Variants in CDH19 observed in about 807,000 individuals in gnomAD.
CDH19 encodes the protein cadherin 19.
A neutral mutation model predicts 64.2 loss-of-function variants in CDH19; 67 were observed. That is an observed-to-expected ratio of 1.04 (90% confidence interval 0.86 to 1.28). The LOEUF (loss-of-function observed/expected upper bound fraction) is 1.28. Ranked by LOEUF, CDH19 falls within the 50% of genes most tolerant of loss-of-function variation. The pLI is 0.00. For synonymous variants in CDH19, 346 were observed against 319.3 expected (o/e 1.08, Z -0.89); for missense variants, 1,030 against 929.0 (o/e 1.11, Z -1.41).
intron 9 of CDH19, among the ~76,000 whole-genome samples, chr18:66,528,591 A>G (rs1364875790): frequency 6.6e-6 from 1 of 152,106 alleles, no homozygotes; most frequent in African/African-American, 2.4e-5. Flanking sequence ...GCAAGATTTG[A>G]TCATTATTTC....
rs1206217106 is a variant in CDH19 at position 66,544,866 on chromosome 18, A to G, written c.813T>C (p.Thr271=). 1 of 1,611,808 alleles carries G rather than the reference A, an allele frequency of 6.2e-7. No individual in the cohort carries two copies. The highest frequency in any genetic ancestry group is 1.7e-5 in the Admixed American group (1 of 59,734). The change falls in exon 6 of 12, where the codon ACT becomes ACC. Residue 271 remains threonine, a synonymous_variant. Coordinates refer to ENST00000262150, the MANE Select transcript of CDH19 (RefSeq NM_021153.4). ...YRLTVSESAP[T]GTSIGTIMAY... is the part of the protein sequence containing the mutation. Reference sequence around the variant, plus strand: ...CCATGATTGTTCCTATAGAAGTCCCAGTGGGTGCAGATTCAGAGACAGTCA... The same window carrying G: ...CCATGATTGTTCCTATAGAAGTCCCGGTGGGTGCAGATTCAGAGACAGTCA...
chr18:66,555,228 A>G (rs1297759935), intron 3 of CDH19, among the ~76,000 whole-genome samples: 2 of 151,856 alleles, frequency 1.3e-5, no homozygotes, highest in African/African-American at 4.8e-5. Flanking sequence ...TTTTCAAAGT[A>G]TCTTTCTGTA....
At chr18:66,568,336 T>C in intron 3 of CDH19, 80 bp downstream of exon 3, 1 of 1,095,444 alleles carries the variant, frequency 9.1e-7, no homozygotes, top group Non-Finnish European at 1.3e-6. Flanking sequence ...CCTTAAATCA[T>C]CTACTTCCAA....
intron 10 of CDH19, among the ~76,000 whole-genome samples, chr18:66,510,990 C>A (rs1031593289): frequency 6.6e-6 from 1 of 151,644 alleles, no homozygotes; most frequent in African/African-American, 2.4e-5. Flanking sequence ...GAAAAAGAAG[C>A]AGCGTGGCTT....
intron 1 of CDH19, among the ~76,000 whole-genome samples, chr18:66,600,285 A>T (rs1477300136): frequency 6.6e-6 from 1 of 151,840 alleles, no homozygotes; most frequent in African/African-American, 2.4e-5. Flanking sequence ...ATATAAAATA[A>T]TTCCTTACTT....
At chr18:66,529,721 A>G (rs1307248842) in intron 9 of CDH19, 124 bp downstream of exon 9, 2 of 251,820 alleles carry the variant, frequency 7.9e-6, no homozygotes, top group Admixed American at 1.1e-4. Context: ...TATAAATTAT[A>G]ATATATGAAT....
At chr18:66,551,646 A>G (rs981294856) in intron 4 of CDH19, among the ~76,000 whole-genome samples, 8 of 152,056 alleles carry the variant, frequency 5.3e-5, no homozygotes, top group Admixed American at 1.3e-4. Flanking sequence ...GTAAATTATA[A>G]TACCAAATTT....
chr18:66,519,164 A>C (rs1029528231), intron 9 of CDH19, among the ~76,000 whole-genome samples: 2 of 152,196 alleles, frequency 1.3e-5, no homozygotes, highest in Non-Finnish European at 2.9e-5. Context: ...GACATTGACA[A>C]TGTTGTTTGT....
At chr18:66,519,075 G>A (rs1250624511) in intron 9 of CDH19, among the ~76,000 whole-genome samples, 1 of 152,064 alleles carries the variant, frequency 6.6e-6, no homozygotes, top group African/African-American at 2.4e-5. Flanking sequence ...CTTAACTTTT[G>A]TTTTTTACTT....
intron 9 of CDH19, among the ~76,000 whole-genome samples, chr18:66,526,743 T>C (rs1307028696): frequency 3.9e-5 from 6 of 152,140 alleles, no homozygotes; most frequent in East Asian, 1.9e-4. Flanking sequence ...CACATATATA[T>C]TTAAAAGACA....
chr18:66,542,675 A>G (rs1986935078), intron 7 of CDH19, among the ~76,000 whole-genome samples: 1 of 152,140 alleles, frequency 6.6e-6, no homozygotes. Flanking sequence ...CATGAACAGC[A>G]GGCCATGAAC....
intron 9 of CDH19, among the ~76,000 whole-genome samples, chr18:66,517,569 T>C (rs1375176646): frequency 6.6e-6 from 1 of 151,954 alleles, no homozygotes; most frequent in Non-Finnish European, 1.5e-5. Flanking sequence ...TTTACCCACA[T>C]AGGTATTTGA....
rs375529818 is a variant in CDH19 at position 66,550,645 on chromosome 18, G to A, written c.775+449C>T. ...GTATGTGACACTCCTTGCTGCTTCT[G>A]GGATGTGTGGGCTAAATCAAGAGCC... On this transcript the variant is annotated intron_variant, in intron 5 of 11. Coordinates refer to ENST00000262150, the MANE Select transcript of CDH19 (RefSeq NM_021153.4). Among the ~76,000 whole-genome samples, 56 of 152,208 alleles carry A rather than the reference G, an allele frequency of 3.7e-4. 1 individual carries two copies. Among genetic ancestry groups the A allele is most frequent in the African/African-American group, 1.3e-3 (52 of 41,564 alleles).
chr18:66,525,522 T>C (rs1414127614), intron 9 of CDH19, among the ~76,000 whole-genome samples: 1 of 152,100 alleles, frequency 6.6e-6, no homozygotes, highest in Non-Finnish European at 1.5e-5. Context: ...ACCTACCCAG[T>C]GAATTTCAAA....
At position 66,502,995 on chromosome 18, in the gene CDH19, C is replaced by A. The variant is rs1985012139; in HGVS notation, c.*1817G>T. 1 of 151,658 alleles carries A rather than the reference C, an allele frequency of 6.6e-6. No homozygotes were observed. The allele number at this position is 151,658 out of a possible 1,614,324, so 9.4% of individuals were successfully genotyped here. A position where few individuals can be genotyped will look rare whatever the true frequency, so the allele number is the denominator to read the frequency against. On this transcript the variant is annotated 3_prime_UTR_variant, in exon 12 of 12. Coordinates refer to ENST00000262150, the MANE Select transcript of CDH19 (RefSeq NM_021153.4). ...AAGTACCAATAAAATATATTATAAC[C>A]ATTTAACTACTTCATCAATATTTCA...
intron 3 of CDH19, among the ~76,000 whole-genome samples, chr18:66,557,373 C>T (rs755918561): frequency 2.5e-4 from 38 of 151,908 alleles, no homozygotes; most frequent in Middle Eastern, 3.2e-3. Flanking sequence ...AAAGTTACTT[C>T]TTCAGTGTTT....
At chr18:66,520,302 C>T (rs1172806038) in intron 9 of CDH19, among the ~76,000 whole-genome samples, 2 of 148,418 alleles carry the variant, frequency 1.3e-5, no homozygotes, top group Non-Finnish European at 3.0e-5. Context: ...TCTGGCCATC[C>T]TGGGGCCAAG....
In CDH19 at chr18:66,568,480, A is replaced by T; in HGVS notation, c.426T>A (p.Asn142Lys). Residue 142 changes from asparagine to lysine, a missense_variant, in exon 3 of 12, where the codon AAT becomes AAA. Transcript: ENST00000262150. ...SEFVIKVSDI[N>K]DNEPKFLDEP... ...CATCTAGGAATTTTGGTTCATTGTCATTGATATCCGAAACTTTGATGACAA... is the reference window on the plus strand; with the variant it reads ...CATCTAGGAATTTTGGTTCATTGTCTTTGATATCCGAAACTTTGATGACAA... 6.2e-7 allele frequency: 1 copy of T among 1,612,254 alleles called. No individual in the cohort carries two copies. Among genetic ancestry groups the T allele is most frequent in the South Asian group, 1.1e-5 (1 of 91,050 alleles).
intron 1 of CDH19, among the ~76,000 whole-genome samples, chr18:66,601,160 A>C (rs1989029035): frequency 6.6e-6 from 1 of 151,904 alleles, no homozygotes; most frequent in South Asian, 2.1e-4. Flanking sequence ...TAGTAGTATT[A>C]TCTCTACATC....
Sources: allele counts gnomAD v4.1 joint callset (sites outside exome capture counted in the v4.1 genomes callset), GRCh38; gene constraint gnomAD v4.1.1; transcripts MANE v1.5; gene names NCBI Gene and HGNC (gene_info 2026-07-23, HGNC 2026-07-21).